VEGFC: variants seen among roughly 807,000 people sequenced by gnomAD.
VEGFC encodes the protein vascular endothelial growth factor C.
VEGFC carries 12 observed loss-of-function variants against 46.1 expected under a neutral mutation model. The ratio of observed to expected loss-of-function variants is 0.26; its 90% CI spans 0.17 to 0.42. The LOEUF is 0.42. VEGFC is among the 10% of genes least tolerant of loss of function. The pLI, the probability that VEGFC is intolerant of heterozygous loss-of-function variation, is 1.00. For synonymous variants in VEGFC, 232 were observed against 195.5 expected (o/e 1.19, Z -1.56); for missense variants, 488 against 529.4 (o/e 0.92, Z 0.77).
At chr4:176,730,853 G>T (rs529320816) in intron 1 of VEGFC, among the ~76,000 whole-genome samples, 1 of 152,062 alleles carries the variant, frequency 6.6e-6, no homozygotes, top group African/African-American at 2.4e-5. Flanking sequence ...CTATGTAAGT[G>T]ATTTTTGTAC....
intron 4 of VEGFC, among the ~76,000 whole-genome samples, chr4:176,694,220 G>A (rs1202599481): frequency 1.3e-5 from 2 of 150,856 alleles, no homozygotes; most frequent in African/African-American, 4.8e-5. Context: ...TCAGTGTGCT[G>A]TATTCAGGAA....
At chr4:176,735,659 T>A (rs1362077404) in intron 1 of VEGFC, among the ~76,000 whole-genome samples, 1 of 151,812 alleles carries the variant, frequency 6.6e-6, no homozygotes, top group Non-Finnish European at 1.5e-5. Context: ...AGAGGTTACA[T>A]ATGCAGGCTT....
chr4:176,720,246 C>T (rs756318366), intron 3 of VEGFC, among the ~76,000 whole-genome samples: 14 of 152,034 alleles, frequency 9.2e-5, no homozygotes, highest in Non-Finnish European at 1.6e-4. Flanking sequence ...AATTAATAAG[C>T]ACACCAGGCT....
intron 1 of VEGFC, among the ~76,000 whole-genome samples, chr4:176,736,030 A>T (rs1050268227): frequency 6.6e-6 from 1 of 151,886 alleles, no homozygotes; most frequent in Non-Finnish European, 1.5e-5. Context: ...TACATGCTAG[A>T]AAAAAGACAC....
rs757091711 is a variant in VEGFC, at chr4:176,687,441, C to T, written c.891G>A (p.Ala297=). 3.2e-5 allele frequency: 51 copies of T among 1,614,028 alleles called. No homozygotes were observed. The South Asian group carries it at 4.0e-4, about 13-fold the overall frequency. ...GTCCACAGCTGGCAGGCCGAAGCCC[C>T]GCTCTGCAGACACACTGACAGGTCT... is the stretch of plus-strand genomic sequence containing the variant. ...DEETCQCVCR[A]GLRPASCGPH... The change falls in exon 6 of 7, where the codon GCG becomes GCA. Residue 297 remains alanine (A), a synonymous_variant. Transcript: ENST00000618562.
intron 1 of VEGFC, among the ~76,000 whole-genome samples, chr4:176,751,732 T>TA (rs202122127): frequency 0.011 from 1,696 of 150,866 alleles, 24 homozygotes; most frequent in Middle Eastern, 0.1. Flanking sequence ...TGTGTAAACG[T>TA]AAAAAAAAAG....
At chr4:176,787,209 C>T (rs1736017954) in intron 1 of VEGFC, among the ~76,000 whole-genome samples, 1 of 151,764 alleles carries the variant, frequency 6.6e-6, no homozygotes, top group Admixed American at 6.6e-5. Flanking sequence ...TGCCTGTAAT[C>T]CCAGCACTTT....
chr4:176,778,735 C>G (rs1030934296), intron 1 of VEGFC, among the ~76,000 whole-genome samples: 1 of 152,090 alleles, frequency 6.6e-6, no homozygotes, highest in African/African-American at 2.4e-5. Context: ...CATGGCCCGG[C>G]GTCAACCCCT....
At chr4:176,768,534 A>G (rs950811325) in intron 1 of VEGFC, among the ~76,000 whole-genome samples, 2 of 117,076 alleles carry the variant, frequency 1.7e-5, no homozygotes, top group Non-Finnish European at 3.7e-5. Flanking sequence ...TCTGAGTACT[A>G]TGATATTTCG....
Position 176,722,483 on chromosome 4 carries a change from CTTTTGTTTTTT to C in VEGFC, c.552+5284_552+5294del, listed in dbSNP as rs768164978. Among the ~76,000 whole-genome samples the C allele has an allele frequency of 2.3e-3, 265 of 116,650 alleles. 1 individual carries two copies. The highest frequency in any genetic ancestry group is 7.3e-3 in the South Asian group (21 of 2,886). 76.5% of individuals were successfully genotyped at this position (116,650 alleles called of 152,430 possible). A position where few individuals can be genotyped will look rare whatever the true frequency, so the allele number is the denominator to read the frequency against. On this transcript the variant is annotated intron_variant, in intron 3 of 6. Coordinates refer to ENST00000618562, the MANE Select transcript of VEGFC (RefSeq NM_005429.5). ...ACCCCTGGCCCCTTGTAATTTTTTT[CTTTTGTTTTTT>C]TTTTGTTTTTTTTTTTTTTGAGGCA...
chr4:176,729,831 GTATCTATGCTCC>G, intron 1 of VEGFC, 85 bp from the exon 2 acceptor site: 1 of 1,003,522 alleles, frequency 1.0e-6, no homozygotes, highest in East Asian at 2.8e-5. Flanking sequence ...AGGTTTAATA[GTATCTATGCTCC>G]GTTCCCTAAC....
intron 1 of VEGFC, among the ~76,000 whole-genome samples, chr4:176,742,988 G>A (rs956396977): frequency 2.6e-5 from 4 of 152,036 alleles, no homozygotes; most frequent in Admixed American, 2.0e-4. Flanking sequence ...TGAGTTTAGC[G>A]AACTACAGAA....
intron 1 of VEGFC, among the ~76,000 whole-genome samples, chr4:176,760,712 C>T (rs139149951): frequency 6.6e-6 from 1 of 152,240 alleles, no homozygotes; most frequent in African/African-American, 2.4e-5. Context: ...CTTTCTCTAG[C>T]CAATTTTTCC....
At chr4:176,784,127 T>A (rs1358514865) in intron 1 of VEGFC, among the ~76,000 whole-genome samples, 2 of 143,806 alleles carry the variant, frequency 1.4e-5, no homozygotes, top group African/African-American at 5.4e-5. Flanking sequence ...TGCAGTGGGG[T>A]GATCTCAGCT....
Position 176,687,337 on chromosome 4 carries a change from C to T in VEGFC, c.995G>A (p.Arg332Gln), listed in dbSNP as rs755693482. ...KLFPSQCGAN[R>Q]EFDENTCQCV... ...CTGGCATGTGTTTTCATCAAATTCTCGGTTGGCCCCACATTGGCTGGGGAA... is the reference window on the plus strand; with the variant it reads ...CTGGCATGTGTTTTCATCAAATTCTTGGTTGGCCCCACATTGGCTGGGGAA... The change falls in exon 6 of 7, where the codon CGA becomes CAA. Residue 332 changes from arginine (R) to glutamine (Q), a missense_variant. Physicochemically the swap from Arg to Gln is conservative, Grantham distance 43. Coordinates refer to ENST00000618562, the MANE Select transcript of VEGFC (RefSeq NM_005429.5). 2.4e-5 allele frequency: 38 copies of T among 1,614,004 alleles called. No homozygotes were observed. Among genetic ancestry groups the T allele is most frequent in the Non-Finnish European group, 2.9e-5 (34 of 1,180,034 alleles).
intron 1 of VEGFC, among the ~76,000 whole-genome samples, chr4:176,735,392 T>G (rs1002888520): frequency 3.3e-5 from 5 of 151,926 alleles, no homozygotes; most frequent in Non-Finnish European, 5.9e-5. Context: ...TTCCACTGTT[T>G]GGATGTAAAA....
intron 4 of VEGFC, among the ~76,000 whole-genome samples, chr4:176,694,360 A>G (rs1388665812): frequency 1.3e-5 from 2 of 152,220 alleles, no homozygotes; most frequent in African/African-American, 4.8e-5. Context: ...CTTTAAACCA[A>G]CAAAGATCAA....
intron 1 of VEGFC, among the ~76,000 whole-genome samples, chr4:176,789,410 A>G (rs1736052866): frequency 6.6e-6 from 1 of 152,250 alleles, no homozygotes; most frequent in Non-Finnish European, 1.5e-5. Context: ...TCAGAAGACT[A>G]TAATGGAGTG....
At chr4:176,754,501 T>C (rs1250787889) in intron 1 of VEGFC, among the ~76,000 whole-genome samples, 15 of 152,050 alleles carry the variant, frequency 9.9e-5, no homozygotes, top group Admixed American at 9.8e-4. Flanking sequence ...CCTTGGCTCA[T>C]GGCTTCCTTC....
Sources: gnomAD v4.1 joint callset for allele counts (sites outside exome capture counted in the v4.1 genomes callset) on GRCh38, gnomAD v4.1.1 for gene constraint, MANE v1.5 for transcripts, NCBI Gene and HGNC (gene_info 2026-07-23, HGNC 2026-07-21) for gene names.